CDH4: variants seen among roughly 807,000 people sequenced by gnomAD.
CDH4 encodes cadherin-4.
Under a neutral mutation model 86.0 loss-of-function variants are expected in CDH4, and 33 were observed. The observed-to-expected ratio is 0.38, with a 90% CI of 0.29 to 0.51. The LOEUF is 0.51. Ranked by LOEUF, CDH4 falls within the 20% of genes least tolerant of loss-of-function variation. The probability of loss-of-function intolerance (pLI) is 0.86; values close to 1 mark genes in which losing one functional copy is unlikely to be tolerated. For synonymous variants in CDH4, 555 were observed against 549.4 expected (o/e 1.01, Z -0.14); for missense variants, 1,114 against 1,307.4 (o/e 0.85, Z 2.28).
At chr20:61,717,732 C>CCGGCCT (rs1568774361) in intron 2 of CDH4, 1 of 152,264 alleles carries the variant, frequency 6.6e-6, no homozygotes, top group Non-Finnish European at 1.5e-5. Flanking sequence ...AGGTGATCTG[C>CCGGCCT]CGGCCTCGGC....
chr20:61,525,873 G>A (rs1359141369), intron 2 of CDH4, among the ~76,000 whole-genome samples: 1 of 152,130 alleles, frequency 6.6e-6, no homozygotes, highest in African/African-American at 2.4e-5. Flanking sequence ...CCTGCTCATA[G>A]CCCAGAGAAA....
At chr20:61,737,131 G>A (rs944422031) in intron 2 of CDH4, among the ~76,000 whole-genome samples, 1 of 152,166 alleles carries the variant, frequency 6.6e-6, no homozygotes, top group Admixed American at 6.5e-5. Flanking sequence ...GCTGGATGCT[G>A]GCCCTGGGGG....
chr20:61,282,316 G>A lies in CDH4; in HGVS notation c.169+27379G>A, dbSNP rs536308745. On this transcript the variant is annotated intron_variant, in intron 2 of 15. Coordinates refer to ENST00000614565, the MANE Select transcript of CDH4 (RefSeq NM_001794.5). ...GGAGGTTTCAGTGAGCCAAGATTGC[G>A]CCACTGCACTCCAGCCTGGGAGACA... Among the ~76,000 whole-genome samples, 9 of 152,254 alleles carry A rather than the reference G, an allele frequency of 5.9e-5. No individual in the cohort carries two copies. In the East Asian group the frequency reaches 1.2e-3, roughly 20 times the overall value.
chr20:61,263,614 A>G (rs1035601764), intron 2 of CDH4, among the ~76,000 whole-genome samples: 2 of 152,214 alleles, frequency 1.3e-5, no homozygotes, highest in Non-Finnish European at 2.9e-5. Flanking sequence ...CTTTTCCAGG[A>G]GGAATTTACT....
intron 2 of CDH4, among the ~76,000 whole-genome samples, chr20:61,680,862 G>A (rs566781653): frequency 6.6e-6 from 1 of 152,184 alleles, no homozygotes; most frequent in Admixed American, 6.5e-5. Context: ...GTCCTTCAGA[G>A]GGACTGGATG....
At chr20:61,875,887 G>T (rs550451547) in intron 7 of CDH4, among the ~76,000 whole-genome samples, 81 of 152,268 alleles carry the variant, frequency 5.3e-4, no homozygotes, top group African/African-American at 1.8e-3. Context: ...GTAGCCTGGG[G>T]TCCCCCGCCT....
chr20:61,705,208 C>A (rs1384104066), intron 2 of CDH4, among the ~76,000 whole-genome samples: 1 of 152,222 alleles, frequency 6.6e-6, no homozygotes, highest in Non-Finnish European at 1.5e-5. Flanking sequence ...TTGGTGGAGG[C>A]ATCCGCACCT....
At chr20:61,547,580 T>A (rs1259549099) in intron 2 of CDH4, among the ~76,000 whole-genome samples, 1 of 62,930 alleles carries the variant, frequency 1.6e-5, no homozygotes. Flanking sequence ...GACCCTGGGG[T>A]GGGGGTGGGG....
chr20:61,654,574 C>T (rs1156643415), intron 2 of CDH4, among the ~76,000 whole-genome samples: 1 of 152,228 alleles, frequency 6.6e-6, no homozygotes, highest in Non-Finnish European at 1.5e-5. Flanking sequence ...TTTCACCTGG[C>T]TCTTTTGTAA....
At chr20:61,308,562 T>C (rs959908286) in intron 2 of CDH4, among the ~76,000 whole-genome samples, 3 of 152,368 alleles carry the variant, frequency 2.0e-5, no homozygotes, top group Non-Finnish European at 4.4e-5. Flanking sequence ...AAATGGCTGC[T>C]GCTTTTCTGC....
At chr20:61,332,268 C>T (rs1471442949) in intron 2 of CDH4, among the ~76,000 whole-genome samples, 1 of 152,198 alleles carries the variant, frequency 6.6e-6, no homozygotes, top group African/African-American at 2.4e-5. Context: ...TGACGGGTTT[C>T]CTTCTGGGTG....
intron 2 of CDH4, among the ~76,000 whole-genome samples, chr20:61,590,775 T>C (rs1359111715): frequency 6.6e-6 from 1 of 151,494 alleles, no homozygotes; most frequent in Non-Finnish European, 1.5e-5. Context: ...AGTCCAGTCG[T>C]CTGGATTTGG....
At chr20:61,578,254 G>A (rs1182884582) in intron 2 of CDH4, among the ~76,000 whole-genome samples, 1 of 152,210 alleles carries the variant, frequency 6.6e-6, no homozygotes, top group African/African-American at 2.4e-5. Flanking sequence ...AATGTGTTGG[G>A]CACCAGGGAG....
At chr20:61,633,310 C>G (rs762030620) in intron 2 of CDH4, among the ~76,000 whole-genome samples, 3 of 152,044 alleles carry the variant, frequency 2.0e-5, no homozygotes, top group Non-Finnish European at 4.4e-5. Flanking sequence ...TCCACTCATG[C>G]ATCCAACTCT....
chr20:61,836,080 C>CT (rs779465180), intron 4 of CDH4, among the ~76,000 whole-genome samples: 32 of 152,270 alleles, frequency 2.1e-4, no homozygotes, highest in Non-Finnish European at 4.0e-4. Context: ...TGTTTCCACA[C>CT]TGGACTCATT....
At chr20:61,294,365 C>A (rs2084340438) in intron 2 of CDH4, among the ~76,000 whole-genome samples, 1 of 152,224 alleles carries the variant, frequency 6.6e-6, no homozygotes, top group African/African-American at 2.4e-5. Flanking sequence ...CTGCCCTAAG[C>A]TCTGTGGTCT....
intron 2 of CDH4, among the ~76,000 whole-genome samples, chr20:61,508,487 G>T (rs1470444817): frequency 2.0e-5 from 3 of 152,234 alleles, no homozygotes; most frequent in African/African-American, 7.2e-5. Context: ...GGTCACTTGG[G>T]TTGGGAAGGC....
chr20:61,807,196 A>C lies in CDH4; in HGVS notation c.576+34014A>C, dbSNP rs1387602002. Among the ~76,000 whole-genome samples, 1 of 152,200 alleles carries C rather than the reference A, an allele frequency of 6.6e-6. No homozygotes were observed. The highest frequency in any genetic ancestry group is 2.4e-5 in the African/African-American group (1 of 41,470). ...AGGTGCCTGGTGGGTCCTGCCAGAC[A>C]GAGGAGTGGCCTGTGGGAGAACTGC... is the stretch of plus-strand genomic sequence containing the variant. On this transcript the variant is annotated intron_variant, in intron 4 of 15. Coordinates refer to ENST00000614565, the MANE Select transcript of CDH4 (RefSeq NM_001794.5). This position sits in a 1 kb window ranked among gnomAD's most constrained non-coding sequence, Gnocchi z 4.5.
chr20:61,906,775 C>T lies in CDH4; in HGVS notation c.1189-3647C>T, dbSNP rs561442175. Among the ~76,000 whole-genome samples, 312 of 151,934 alleles carry T rather than the reference C, an allele frequency of 2.1e-3. 1 individual carries two copies. Among genetic ancestry groups the T allele is most frequent in the Non-Finnish European group, 1.2e-3 (84 of 67,998 alleles). Reference sequence around the variant, plus strand: ...CCTGGCAGGCTGCTTTGGGGCAAGACGGTGTCCCCAGCAGAGGGAATGGCC... The same window carrying T: ...CCTGGCAGGCTGCTTTGGGGCAAGATGGTGTCCCCAGCAGAGGGAATGGCC... On this transcript the variant is annotated intron_variant, in intron 8 of 15. Coordinates refer to ENST00000614565, the MANE Select transcript of CDH4 (RefSeq NM_001794.5).
Sources: gnomAD v4.1 joint callset for allele counts (sites outside exome capture counted in the v4.1 genomes callset) on GRCh38, gnomAD v4.1.1 for gene constraint, Gnocchi (gnomAD v3.1) non-coding constraint, MANE v1.5 for transcripts, NCBI Gene and HGNC (gene_info 2026-07-23, HGNC 2026-07-21) for gene names.